The following MLC1 variants were observed in gnomAD, a reference collection of about 807,000 sequenced individuals.
The protein encoded by MLC1 is modulator of VRAC current 1.
In MLC1, 32 loss-of-function variants were observed where a neutral mutation model predicts 44.7. The ratio of observed to expected loss-of-function variants is 0.72; its 90% CI spans 0.54 to 0.96. MLC1 has a LOEUF of 0.96. Ranked by LOEUF, MLC1 falls within the 40% of genes least tolerant of loss-of-function variation. The probability of loss-of-function intolerance (pLI) is 0.00; values close to 1 mark genes in which losing one functional copy is unlikely to be tolerated. For missense variants in MLC1, 459 were observed against 492.2 expected (o/e 0.93, Z 0.64); for synonymous variants, 190 against 213.0 (o/e 0.89, Z 0.94).
chr22:50,071,763 A>AG (rs1430948294), intron 8 of MLC1, among the ~76,000 whole-genome samples: 1 of 152,146 alleles, frequency 6.6e-6, no homozygotes, highest in Non-Finnish European at 1.5e-5. Context: ...ACTTATTGTG[A>AG]GGAGCCTGCC....
intron 7 of MLC1, chr22:50,074,746 T>C (rs560581630): frequency 4.2e-5 from 12 of 285,498 alleles, no homozygotes; most frequent in African/African-American, 2.6e-4. Context: ...TAGCTTCCCA[T>C]AGGACACACC....
At chr22:50,077,577 A>G (rs1197867047) in intron 5 of MLC1, 75 bp from the exon 6 acceptor site, 1 of 1,237,670 alleles carries the variant, frequency 8.1e-7, no homozygotes, top group African/African-American at 1.5e-5. Flanking sequence ...CCACCGGACC[A>G]CCTCACGGGC....
At chr22:50,069,088 AC>A (rs1169099539) in intron 9 of MLC1, among the ~76,000 whole-genome samples, 1 of 151,724 alleles carries the variant, frequency 6.6e-6, no homozygotes, top group African/African-American at 2.4e-5. Context: ...GTGCGGTGGC[AC>A]AATCTCTGAT....
In MLC1 at chr22:50,083,295, C is replaced by T. The variant is rs1341708776; in HGVS notation, c.178-122G>A. The T allele has an allele frequency of 5.7e-6, 5 of 873,566 alleles. No individual in the cohort carries two copies. Among genetic ancestry groups the T allele is most frequent in the Non-Finnish European group, 9.3e-6 (5 of 537,568 alleles). The allele number at this position is 873,566 out of a possible 1,614,324, so 54.1% of individuals were successfully genotyped here. On this transcript the variant is annotated intron_variant, in intron 2 of 11. Coordinates refer to ENST00000311597, the MANE Select transcript of MLC1 (RefSeq NM_015166.4). This position sits in a 1 kb window ranked among gnomAD's most constrained non-coding sequence, Gnocchi z 4.6. Reference sequence around the variant, plus strand: ...ACTCACCCACGTCCCCCAGCATCAACCACACCCGCACCTGGGACCCGCCCA... The same window carrying T: ...ACTCACCCACGTCCCCCAGCATCAATCACACCCGCACCTGGGACCCGCCCA...
chr22:50,069,884 C>A (rs898965807), intron 9 of MLC1, among the ~76,000 whole-genome samples: 2 of 151,968 alleles, frequency 1.3e-5, no homozygotes, highest in South Asian at 4.2e-4. Context: ...AACGATCGAC[C>A]AGTTCAATTG....
chr22:50,083,269 G>A lies in MLC1; in HGVS notation c.178-96C>T, dbSNP rs961397459. On this transcript the variant is annotated intron_variant, in intron 2 of 11. Coordinates refer to ENST00000311597, the MANE Select transcript of MLC1 (RefSeq NM_015166.4). This position sits in a 1 kb window ranked among gnomAD's most constrained non-coding sequence, Gnocchi z 4.6. The stretch of plus-strand genomic sequence containing the variant: ...TCTGCTTCACTGTCTGTGTATTGGT[G>A]ACTCACCCACGTCCCCCAGCATCAA... 13 of 1,124,556 alleles carry A rather than the reference G, an allele frequency of 1.2e-5. No individual in the cohort carries two copies. Among genetic ancestry groups the A allele is most frequent in the Admixed American group, 9.1e-5 (5 of 54,734 alleles). 69.7% of individuals were successfully genotyped at this position (1,124,556 alleles called of 1,614,324 possible).
At chr22:50,061,688 A>T (rs772235176) in intron 11 of MLC1, 31 bp from the exon 12 acceptor site, 8 of 1,590,140 alleles carry the variant, frequency 5.0e-6, no homozygotes, top group Non-Finnish European at 6.9e-6. Flanking sequence ...GTGTTACTTC[A>T]CCAGGGCCAC....
chr22:50,070,476 C>G, intron 9 of MLC1, 51 bp downstream of exon 9: 1 of 1,519,528 alleles, frequency 6.6e-7, no homozygotes, highest in Non-Finnish European at 8.9e-7. Flanking sequence ...AGGCCAGGCC[C>G]TGGCCCCGCT....
intron 7 of MLC1, chr22:50,074,712 G>A (rs939996371): frequency 4.5e-4 from 140 of 312,228 alleles, no homozygotes; most frequent in African/African-American, 7.7e-4. Flanking sequence ...GAAGGGACTC[G>A]GGAAAACAGG....
At chr22:50,072,443 C>T (rs985313024) in intron 8 of MLC1, among the ~76,000 whole-genome samples, 3 of 152,234 alleles carry the variant, frequency 2.0e-5, no homozygotes, top group African/African-American at 7.2e-5. Context: ...TCCTCTCCTC[C>T]TGGGGTCTCC....
chr22:50,074,051 C>A (rs1256531013), intron 8 of MLC1, among the ~76,000 whole-genome samples, 165 bp downstream of exon 8: 2 of 152,162 alleles, frequency 1.3e-5, no homozygotes, highest in Non-Finnish European at 2.9e-5. Flanking sequence ...TACTTTGACT[C>A]ATTTAATCCT....
In MLC1 at chr22:50,084,795, G is replaced by T. The variant is rs1487435691; in HGVS notation, c.108C>A (p.Asp36Glu). 1.2e-6 allele frequency: 2 copies of T among 1,614,104 alleles called. No individual in the cohort carries two copies. The highest frequency in any genetic ancestry group is 1.7e-6 in the Non-Finnish European group (2 of 1,180,052). The change falls in exon 2 of 12, where the codon GAC becomes GAA. Residue 36 changes from aspartate (D) to glutamate (E), a missense_variant. Physicochemically the swap from Asp to Glu is conservative, Grantham distance 45. Coordinates refer to ENST00000311597, the MANE Select transcript of MLC1 (RefSeq NM_015166.4). ...GGGGCAGTCTCTTCGACAGCTGCAG[G>T]TCGCTCGGCTTCGCGTCTGGGGCAT... Reference protein sequence around the residue: ...ASYAPDAKPSDLQLSKRLPPC... With the variant: ...ASYAPDAKPSELQLSKRLPPC...
chr22:50,071,413 CTGTT>C (rs755993418), intron 8 of MLC1, among the ~76,000 whole-genome samples: 79 of 152,294 alleles, frequency 5.2e-4, no homozygotes, highest in Admixed American at 8.5e-4. Context: ...ATTTCTAGAG[CTGTT>C]TGTTTGTTTG....
In MLC1 at chr22:50,064,189, C is replaced by G. The variant is rs1196619166; in HGVS notation, c.904G>C (p.Asp302His). ...DYPPAIKPSY[D>H]VLLLLLLLVL... ...AGCAGCAGCAGCAGCAGCAGCACAT[C>G]GTAGGATGGCTGCAGGCGGAAGGAG... The change falls in exon 11 of 12, where the codon GAT (aspartate) becomes CAT (histidine). Residue 302 changes from aspartate (D) to histidine (H), a missense_variant. Physicochemically the swap from Asp to His is moderately conservative, Grantham distance 81. Transcript: ENST00000311597. 1 of 1,598,186 alleles carries G rather than the reference C, an allele frequency of 6.3e-7. No homozygotes were observed.
At chr22:50,063,904 GGCTGGGCACCCCTGTGGGC>G in intron 11 of MLC1, 111 bp downstream of exon 11, 1 of 303,750 alleles carries the variant, frequency 3.3e-6, no homozygotes, top group Admixed American at 9.4e-5. Context: ...TCACCTCCCC[GGCTGGGCACCCCTGTGGGC>G]CACTCACCTC....
At chr22:50,082,874 A>G (rs1166103814) in intron 3 of MLC1, among the ~76,000 whole-genome samples, 1 of 152,162 alleles carries the variant, frequency 6.6e-6, no homozygotes, top group Non-Finnish European at 1.5e-5. Context: ...CATGTTGGTC[A>G]GACTGGTCTC....
chr22:50,075,686 G>C (rs1273680290), intron 7 of MLC1, among the ~76,000 whole-genome samples: 1 of 2,252 alleles, frequency 4.4e-4, no homozygotes, highest in East Asian at 0.5. Flanking sequence ...CTCTAGCCTG[G>C]GCAACAGCAG....
chr22:50,078,983 T>C (rs1386889494), intron 5 of MLC1, among the ~76,000 whole-genome samples: 1 of 151,940 alleles, frequency 6.6e-6, no homozygotes, highest in Non-Finnish European at 1.5e-5. Context: ...GCTCTCCGTC[T>C]TAATAAAGAA....
intron 9 of MLC1, among the ~76,000 whole-genome samples, chr22:50,069,587 A>G (rs899921327): frequency 1.3e-5 from 2 of 151,978 alleles, no homozygotes; most frequent in African/African-American, 2.4e-5. Flanking sequence ...CAGAGGTTAC[A>G]ATGAGCTGAG....
Sources: allele counts gnomAD v4.1 joint callset (sites outside exome capture counted in the v4.1 genomes callset), GRCh38; gene constraint gnomAD v4.1.1; non-coding constraint Gnocchi (gnomAD v3.1); transcripts MANE v1.5; gene names NCBI Gene and HGNC (gene_info 2026-07-23, HGNC 2026-07-21).